ESRRG: variants seen among roughly 807,000 people sequenced by gnomAD.
ESRRG encodes estrogen related receptor gamma, also known as estrogen-related receptor gamma.
A neutral mutation model predicts 44.0 loss-of-function variants in ESRRG; 13 were observed. The observed-to-expected ratio is 0.30, with a 90% CI of 0.19 to 0.47. The LOEUF is 0.47. ESRRG is among the 20% of genes least tolerant of loss of function. ESRRG has a pLI of 1.00. For synonymous variants in ESRRG, 215 were observed against 214.6 expected (o/e 1.00, Z -0.02); for missense variants, 395 against 580.6 (o/e 0.68, Z 3.29).
intron 3 of ESRRG, among the ~76,000 whole-genome samples, chr1:216,629,343 T>A (rs1325579232): frequency 6.6e-6 from 1 of 152,202 alleles, no homozygotes; most frequent in African/African-American, 2.4e-5. Flanking sequence ...GAAAGATTTT[T>A]TTTTCTTAAG....
intron 2 of ESRRG, among the ~76,000 whole-genome samples, chr1:216,919,506 C>CCTTTCTAGGGATTGTT (rs1392330819): frequency 6.6e-6 from 1 of 152,120 alleles, no homozygotes; most frequent in African/African-American, 2.4e-5. Flanking sequence ...AGTATAAATC[C>CCTTTCTAGGGATTGTT]GTTGCTAGGT....
chr1:216,804,320 C>T (rs1198324713), intron 2 of ESRRG, among the ~76,000 whole-genome samples: 1 of 152,136 alleles, frequency 6.6e-6, no homozygotes, highest in Non-Finnish European at 1.5e-5. Context: ...CAAAGATTTG[C>T]TCTGCACAGA....
At chr1:216,610,472 A>G (rs766788725) in intron 3 of ESRRG, among the ~76,000 whole-genome samples, 40 of 152,146 alleles carry the variant, frequency 2.6e-4, no homozygotes, top group Non-Finnish European at 5.0e-4. Context: ...GCGTGATAAG[A>G]CCATCTTAAA....
chr1:216,940,355 C>A (rs1436332949), intron 1 of ESRRG, among the ~76,000 whole-genome samples: 1 of 152,120 alleles, frequency 6.6e-6, no homozygotes, highest in African/African-American at 2.4e-5. Flanking sequence ...AATGGCAATT[C>A]CATATGATTT....
chr1:216,598,018 A>T (rs1425969389), intron 3 of ESRRG, among the ~76,000 whole-genome samples: 1 of 152,210 alleles, frequency 6.6e-6, no homozygotes, highest in Non-Finnish European at 1.5e-5. Flanking sequence ...TCAGTGAATA[A>T]TAATAACAAT....
At chr1:216,753,175 T>TAC (rs145640833) in intron 2 of ESRRG, among the ~76,000 whole-genome samples, 4,455 of 149,000 alleles carry the variant, frequency 0.03, 93 homozygotes, top group Non-Finnish European at 0.043. Flanking sequence ...TATATATTGA[T>TAC]ACACACACAC....
intron 2 of ESRRG, among the ~76,000 whole-genome samples, chr1:216,810,747 C>T (rs1403600952): frequency 6.8e-6 from 1 of 147,276 alleles, no homozygotes; most frequent in Non-Finnish European, 1.5e-5. Flanking sequence ...ATATATATAA[C>T]TCTATGATAT....
chr1:216,945,284 T>A (rs1212793391), intron 1 of ESRRG, among the ~76,000 whole-genome samples: 1 of 152,094 alleles, frequency 6.6e-6, no homozygotes, highest in Non-Finnish European at 1.5e-5. Flanking sequence ...ATTTGCTCAA[T>A]CAGTACCTAT....
At chr1:216,512,520 T>TA (rs1051029035) in intron 6 of ESRRG, among the ~76,000 whole-genome samples, 36 of 152,230 alleles carry the variant, frequency 2.4e-4, no homozygotes, top group East Asian at 3.9e-4. Flanking sequence ...CACATTTATT[T>TA]AAAAAAACTA....
intron 3 of ESRRG, among the ~76,000 whole-genome samples, chr1:216,610,376 A>AGG (rs1481099363): frequency 2.6e-5 from 4 of 152,164 alleles, no homozygotes; most frequent in Non-Finnish European, 4.4e-5. Context: ...TATCCTTAAT[A>AGG]GGCTAAGTCC....
chr1:216,530,026 C>A (rs1031023931), intron 5 of ESRRG, among the ~76,000 whole-genome samples: 3 of 146,098 alleles, frequency 2.1e-5, no homozygotes, highest in Non-Finnish European at 4.5e-5. Flanking sequence ...GCAGGAAAAT[C>A]GCTTGAACAC....
At chr1:216,878,918 C>T (rs1360224936) in intron 2 of ESRRG, among the ~76,000 whole-genome samples, 1 of 152,088 alleles carries the variant, frequency 6.6e-6, no homozygotes, top group Non-Finnish European at 1.5e-5. Context: ...TTATATTTCC[C>T]AGTACACGGC....
chr1:217,118,900 T>C (rs1228823623), intron 1 of ESRRG, among the ~76,000 whole-genome samples: 1 of 151,974 alleles, frequency 6.6e-6, no homozygotes, highest in East Asian at 1.9e-4. Flanking sequence ...AGGCTGAGGC[T>C]AGAGGATCAC....
At chr1:217,131,939 G>C in intron 1 of ESRRG, among the ~76,000 whole-genome samples, 1 of 152,108 alleles carries the variant, frequency 6.6e-6, no homozygotes, top group Non-Finnish European at 1.5e-5. Context: ...AATCCTGGAA[G>C]GAGACTATAC....
intron 2 of ESRRG, among the ~76,000 whole-genome samples, chr1:216,850,660 AG>A (rs1355938488): frequency 2.0e-5 from 3 of 152,140 alleles, no homozygotes; most frequent in Non-Finnish European, 1.5e-5. Context: ...GCAAAATTAA[AG>A]GTAGCAGAGT....
intron 1 of ESRRG, among the ~76,000 whole-genome samples, chr1:217,115,104 T>C (rs2092706917): frequency 6.6e-6 from 1 of 152,214 alleles, no homozygotes; most frequent in African/African-American, 2.4e-5. Flanking sequence ...CCTTTAAAAA[T>C]TCCTTCTCTC....
chr1:217,133,641 C>CTTTCTTTCTTTCTTTCTTTCTT (rs748711287), intron 1 of ESRRG, among the ~76,000 whole-genome samples: 96 of 41,754 alleles, frequency 2.3e-3, no homozygotes, highest in African/African-American at 5.7e-3. Context: ...TTCTCTCTCT[C>CTTTCTTTCTTTCTTTCTTTCTT]TCTCTCTTTC....
At chr1:217,005,948 C>G (rs2077686086) in intron 1 of ESRRG, among the ~76,000 whole-genome samples, 1 of 152,102 alleles carries the variant, frequency 6.6e-6, no homozygotes. Context: ...TAACAACTTA[C>G]TTACAGTAGA....
At chr1:216,654,978 A>G (rs1304274080) in intron 2 of ESRRG, among the ~76,000 whole-genome samples, 1 of 152,204 alleles carries the variant, frequency 6.6e-6, no homozygotes, top group East Asian at 1.9e-4. Flanking sequence ...TGACTCATCT[A>G]GGAATAATTA....
Sources: gnomAD v4.1 joint callset for allele counts (sites outside exome capture counted in the v4.1 genomes callset) on GRCh38, gnomAD v4.1.1 for gene constraint, MANE v1.5 for transcripts, NCBI Gene and HGNC (gene_info 2026-07-23, HGNC 2026-07-21) for gene names.